MCOLN1: variants seen among roughly 807,000 people sequenced by gnomAD.
MCOLN1 encodes mucolipin TRP cation channel 1.
MCOLN1 carries 50 observed loss-of-function variants against 70.3 expected under a neutral mutation model. The ratio of observed to expected loss-of-function variants is 0.71; its 90% CI spans 0.57 to 0.90. The LOEUF is 0.90. MCOLN1 is among the 40% of genes least tolerant of loss of function. The pLI is 0.00. For missense variants in MCOLN1, 598 were observed against 803.5 expected (o/e 0.74, Z 3.09); for synonymous variants, 366 against 341.0 (o/e 1.07, Z -0.81).
rs1242497471 is a variant in MCOLN1, at chr19:7,526,171, G to T, written c.238-268G>T. The T allele has an allele frequency of 3.6e-6, 2 of 557,892 alleles. No homozygotes were observed. Among genetic ancestry groups the T allele is most frequent in the Non-Finnish European group, 6.5e-6 (2 of 309,138 alleles). 34.6% of individuals were successfully genotyped at this position (557,892 alleles called of 1,614,324 possible). On this transcript the variant is annotated intron_variant, in intron 2 of 13. Coordinates refer to ENST00000264079, the MANE Select transcript of MCOLN1 (RefSeq NM_020533.3). The surrounding 1 kb of genome is among the most constrained non-coding windows in gnomAD (Gnocchi z 4.6). ...TAATGAACGTTAGTCCCTGCAGTGA[G>T]ATAGATGAGTCCCCACCCTGTGTTG...
intron 10 of MCOLN1, 67 bp from the exon 11 acceptor site, chr19:7,529,523 C>CCCCAG: frequency 3.5e-6 from 4 of 1,156,284 alleles, no homozygotes; most frequent in East Asian, 3.0e-5. Context: ...CCACCCCCAT[C>CCCCAG]TGGGTGCCCA....
intron 4 of MCOLN1, chr19:7,527,287 A>C (rs991969685): frequency 2.4e-5 from 13 of 548,742 alleles, no homozygotes; most frequent in Admixed American, 9.3e-5. Flanking sequence ...AAAAAAAAAA[A>C]AAAAAAAACA....
In MCOLN1 at chr19:7,529,115, C is replaced by CCGTCG; in HGVS notation, c.1149_1150insCGTCG (p.Asp384ArgfsTer20). On this transcript the variant is annotated frameshift_variant, in exon 10 of 14. Transcript: ENST00000264079. LOFTEE classifies it high-confidence loss of function. ...CCCACCCGCAGAACTTGGCGAGCTA[C>CCGTCG]GACGTCTGCAGCATCCTCCTGGGCA... is the stretch of plus-strand genomic sequence containing the variant. The CCGTCG allele has an allele frequency of 6.2e-7, 1 of 1,613,950 alleles. No individual in the cohort carries two copies. The highest frequency in any genetic ancestry group is 1.7e-5 in the Admixed American group (1 of 60,028).
chr19:7,526,625 G>T lies in MCOLN1; in HGVS notation c.405+19G>T. 5 of 1,608,896 alleles carry T rather than the reference G, an allele frequency of 3.1e-6. No homozygotes were observed. Among genetic ancestry groups the T allele is most frequent in the Non-Finnish European group, 4.2e-6 (5 of 1,179,380 alleles). On this transcript the variant is annotated intron_variant, in intron 3 of 13. Transcript: ENST00000264079. The surrounding 1 kb of genome is among the most constrained non-coding windows in gnomAD (Gnocchi z 4.6). Reference sequence around the variant, plus strand: ...GGACCAGGTGCTGGTGGGCGGGCAGGTGCTGGTGGGCAGGCAGGTGCAGGT... The same window carrying T: ...GGACCAGGTGCTGGTGGGCGGGCAGTTGCTGGTGGGCAGGCAGGTGCAGGT...
At position 7,526,018 on chromosome 19, in the gene MCOLN1, T is replaced by C. The variant is rs1192947010; in HGVS notation, c.238-421T>C. On this transcript the variant is annotated intron_variant, in intron 2 of 13. Transcript: ENST00000264079. This position sits in a 1 kb window ranked among gnomAD's most constrained non-coding sequence, Gnocchi z 4.6. ...TGGAGGTTGTAGTGAGCTGAGATCA[T>C]ACCATGGCACTCCAACTTGGGCAAC... The C allele has an allele frequency of 2.9e-5, 9 of 306,012 alleles. No individual in the cohort carries two copies. The highest frequency in any genetic ancestry group is 3.2e-5 in the Non-Finnish European group (5 of 156,822). 19.0% of individuals were successfully genotyped at this position (306,012 alleles called of 1,614,324 possible).
chr19:7,529,746 C>G, intron 11 of MCOLN1, 34 bp downstream of exon 11: 2 of 1,613,298 alleles, frequency 1.2e-6, no homozygotes, highest in South Asian at 1.1e-5. Context: ...TGACATTGAC[C>G]CTGTGACCTT....
chr19:7,530,564 G>C, intron 12 of MCOLN1, 63 bp downstream of exon 12: 1 of 1,442,562 alleles, frequency 6.9e-7, no homozygotes, highest in Non-Finnish European at 9.7e-7. Context: ...GCCATGAGGG[G>C]GTCTTGGGGA....
chr19:7,530,138 C>A, intron 11 of MCOLN1, 148 bp from the exon 12 acceptor site: 1 of 781,110 alleles, frequency 1.3e-6, no homozygotes. Context: ...CCCGACCATT[C>A]ACATGGTGAC....
In MCOLN1 at chr19:7,530,386, G is replaced by A. The variant is rs1389495428; in HGVS notation, c.1460G>A (p.Ser487Asn). 1.2e-6 allele frequency: 2 copies of A among 1,613,892 alleles called. No individual in the cohort carries two copies. The highest frequency in any genetic ancestry group is 1.1e-5 in the South Asian group (1 of 91,086). The part of the protein sequence containing the change: ...FAAMQAQQGR[S>N]SLVWLFSQLY... ...GCCATGCAGGCGCAGCAGGGCCGCA[G>A]CAGCCTGGTGTGGCTCTTCTCCCAG... The change falls in exon 12 of 14, where the codon AGC (serine) becomes AAC (asparagine). Residue 487 changes from serine (S) to asparagine (N), a missense_variant. Around this residue, in one of 3 missense-constraint regions of MCOLN1, gnomAD observed 78 missense variants for 156.2 expected, o/e 0.50. Coordinates refer to ENST00000264079, the MANE Select transcript of MCOLN1 (RefSeq NM_020533.3).
chr19:7,524,965 C>G lies in MCOLN1; in HGVS notation c.36C>G (p.Thr12=), dbSNP rs148187755. The change falls in exon 2 of 14, where the codon ACC becomes ACG. Residue 12 remains threonine (T), a synonymous_variant. Coordinates refer to ENST00000264079, the MANE Select transcript of MCOLN1 (RefSeq NM_020533.3). This position sits in a 1 kb window ranked among gnomAD's most constrained non-coding sequence, Gnocchi z 4.1. The part of the protein sequence containing the change: ...TAPAGPRGSE[T]ERLLTPNPGY... ...TGCCCTCTCCTATTCCCACAGAGAC[C>G]GAGCGGCTTCTGACCCCCAACCCCG... The G allele has an allele frequency of 1.2e-6, 2 of 1,613,534 alleles. No homozygotes were observed. The highest frequency in any genetic ancestry group is 3.3e-5 in the Admixed American group (2 of 60,034).
In MCOLN1 at chr19:7,528,711, T is replaced by A; in HGVS notation, c.984+8T>A. On this transcript the variant is annotated splice_region_variant and intron_variant, in intron 8 of 13. Transcript: ENST00000264079. The surrounding 1 kb of genome is among the most constrained non-coding windows in gnomAD (Gnocchi z 4.2). ...GGCTTCCTGCTGCAGAACGTGAGGC[T>A]TCTGCGTCATGTGTGCTGGTGTCCT... The A allele has an allele frequency of 1.2e-6, 2 of 1,614,202 alleles. No individual in the cohort carries two copies. Among genetic ancestry groups the A allele is most frequent in the Non-Finnish European group, 1.7e-6 (2 of 1,180,024 alleles).
At chr19:7,533,721 G>C (rs770444810) in intron 13 of MCOLN1, 38 bp from the exon 14 acceptor site, 2 of 1,614,196 alleles carry the variant, frequency 1.2e-6, no homozygotes, top group South Asian at 2.2e-5. Context: ...GCGAGCCAGA[G>C]AAAACTGACG....
At position 7,533,609 on chromosome 19, in the gene MCOLN1, C is replaced by T; in HGVS notation, c.1662C>T (p.Arg554=). 6.2e-7 allele frequency: 1 copy of T among 1,613,620 alleles called. No homozygotes were observed. Among genetic ancestry groups the T allele is most frequent in the South Asian group, 1.1e-5 (1 of 91,062 alleles). Residue 554 remains arginine, a synonymous_variant, in exon 13 of 14, where the codon CGC becomes CGT. Transcript: ENST00000264079. ...CQDSPTSGKF[R]RGSGSACSLL... is the part of the protein sequence containing the mutation. ...ACAGCCCCACCTCCGGCAAGTTCCG[C>T]CGCGGGAGCGGCTCGGCCTGCAGCC...
rs1338678823 is a variant in MCOLN1, at chr19:7,525,190, C to G, written c.237+24C>G. On this transcript the variant is annotated intron_variant, in intron 2 of 13. Transcript: ENST00000264079. This position sits in a 1 kb window ranked among gnomAD's most constrained non-coding sequence, Gnocchi z 4.2. ...AGGTGAGGCCAGCCAAGCAGGGGCC[C>G]CAGCTGAAGGCCACCTGTGGCTGCT... 4.3e-6 allele frequency: 7 copies of G among 1,609,480 alleles called. No homozygotes were observed. Among genetic ancestry groups the G allele is most frequent in the Non-Finnish European group, 5.9e-6 (7 of 1,176,496 alleles).
Position 7,526,699 on chromosome 19 carries a change from G to A in MCOLN1, c.406-62G>A. On this transcript the variant is annotated intron_variant, in intron 3 of 13. Transcript: ENST00000264079. This position sits in a 1 kb window ranked among gnomAD's most constrained non-coding sequence, Gnocchi z 4.6. The stretch of plus-strand genomic sequence containing the variant: ...GGCAGGTGCTGGTGGGCGGGCAGGT[G>A]CAGGTGGGTGGGCTGCAGAGAGCGG... The A allele has an allele frequency of 6.2e-7, 1 of 1,605,116 alleles. No homozygotes were observed. The highest frequency in any genetic ancestry group is 8.5e-7 in the Non-Finnish European group (1 of 1,178,968).
intron 12 of MCOLN1, among the ~76,000 whole-genome samples, chr19:7,531,937 A>G (rs183488871): frequency 3.3e-4 from 50 of 152,296 alleles, no homozygotes; most frequent in African/African-American, 1.1e-3. Context: ...AAGTGCTGGG[A>G]TTACGGGCGT....
chr19:7,524,979 C>T lies in MCOLN1; in HGVS notation c.50C>T (p.Thr17Ile), dbSNP rs985208875. 4.3e-6 allele frequency: 7 copies of T among 1,613,644 alleles called. No homozygotes were observed. In the African/African-American group the frequency reaches 9.3e-5, roughly 22 times the overall value. ...CCCACAGAGACCGAGCGGCTTCTGA[C>T]CCCCAACCCCGGGTATGGGACCCAG... ...PRGSETERLL[T>I]PNPGYGTQAG... Residue 17 changes from threonine to isoleucine, a missense_variant, in exon 2 of 14, where the codon ACC becomes ATC. By Grantham distance (89) the Thr-to-Ile change is moderately conservative (BLOSUM62 -1). Coordinates refer to ENST00000264079, the MANE Select transcript of MCOLN1 (RefSeq NM_020533.3). The surrounding 1 kb of genome is among the most constrained non-coding windows in gnomAD (Gnocchi z 4.1).
Position 7,524,891 on chromosome 19 carries a change from T to C in MCOLN1, c.32-70T>C, listed in dbSNP as rs1222577160. 2.3e-6 allele frequency: 3 copies of C among 1,319,610 alleles called. No individual in the cohort carries two copies. Among genetic ancestry groups the C allele is most frequent in the Non-Finnish European group, 3.3e-6 (3 of 919,754 alleles). 81.7% of individuals were successfully genotyped at this position (1,319,610 alleles called of 1,614,324 possible). On this transcript the variant is annotated intron_variant, in intron 1 of 13. Coordinates refer to ENST00000264079, the MANE Select transcript of MCOLN1 (RefSeq NM_020533.3). The surrounding 1 kb of genome is among the most constrained non-coding windows in gnomAD (Gnocchi z 4.1). Reference sequence around the variant, plus strand: ...CATGAAGATAGGGCGTGTGCTGCCTTCCTGGTTGGAGAAAGGGGAAAAGGG... The same window carrying C: ...CATGAAGATAGGGCGTGTGCTGCCTCCCTGGTTGGAGAAAGGGGAAAAGGG...
intron 11 of MCOLN1, among the ~76,000 whole-genome samples, 166 bp from the exon 12 acceptor site, chr19:7,530,120 G>A (rs2022634238): frequency 6.6e-6 from 1 of 151,668 alleles, no homozygotes; most frequent in African/African-American, 2.4e-5. Context: ...AGGGGCCCTA[G>A]CCTGGAACCC....
Sources: allele counts gnomAD v4.1 joint callset (sites outside exome capture counted in the v4.1 genomes callset), GRCh38; gene constraint gnomAD v4.1.1; regional missense constraint gnomAD v4.1.1; non-coding constraint Gnocchi (gnomAD v3.1); transcripts MANE v1.5; gene names NCBI Gene and HGNC (gene_info 2026-07-23, HGNC 2026-07-21).